The following TTC21A variants were observed in gnomAD, a reference collection of about 807,000 sequenced individuals.
TTC21A encodes the protein tetratricopeptide repeat protein 21A.
In TTC21A, 128 loss-of-function variants were observed where a neutral mutation model predicts 156.4. That is an observed-to-expected ratio of 0.82 (90% CI 0.71 to 0.95). TTC21A has a LOEUF of 0.95. Among genes scored for constraint, TTC21A ranks in the 40% least tolerant of loss-of-function variants. The pLI, the probability that TTC21A is intolerant of heterozygous loss-of-function variation, is 0.00. For synonymous variants in TTC21A, 587 were observed against 617.1 expected (o/e 0.95, Z 0.72); for missense variants, 1,435 against 1,602.3 (o/e 0.90, Z 1.78).
rs773145535 is a variant in TTC21A, at chr3:39,121,190, GTA to G, written c.1093+5_1093+6del. 6 of 1,610,120 alleles carry G rather than the reference GTA, an allele frequency of 3.7e-6. No homozygotes were observed. In the Admixed American group the frequency reaches 1.0e-4, roughly 27 times the overall value. On this transcript the variant is annotated splice_donor_variant and splice_donor_region_variant and intron_variant, in intron 9 of 28. Coordinates refer to ENST00000683103, the MANE Select transcript of TTC21A (RefSeq NM_001366900.1). LOFTEE classifies it high-confidence loss of function. ...AAGGATGGCATGGCTGGTTTGACAG[GTA>G]TATGCAGGTGTGGCAGGGCTCAGGG...
At chr3:39,108,359 C>CA (rs1254228329) in intron 1 of TTC21A, 1 of 160,962 alleles carries the variant, frequency 6.2e-6, no homozygotes, top group African/African-American at 2.4e-5. Flanking sequence ...GCCTCCCTCC[C>CA]ATCTGGTTTC....
rs771006027 is a variant in TTC21A, at chr3:39,120,997, T to A, written c.901T>A (p.Cys301Ser). 2.5e-6 allele frequency: 4 copies of A among 1,601,674 alleles called. No individual in the cohort carries two copies. In the African/African-American group the frequency reaches 4.0e-5, roughly 16 times the overall value. The change falls in exon 9 of 29, where the codon TGT becomes AGT. Residue 301 changes from cysteine (C) to serine (S), a missense_variant and splice_region_variant. Cys to Ser is a moderately radical substitution (Grantham distance 112). Transcript: ENST00000683103. ...ATTCCCACCTTCCTGTTTCTTGCAGTGTGGGAGTCACCAGGTGATTCTAGG... is the reference window on the plus strand; with the variant it reads ...ATTCCCACCTTCCTGTTTCTTGCAGAGTGGGAGTCACCAGGTGATTCTAGG... ...LKKIIVVSRL[C>S]GSHQVILGLV... is the part of the protein sequence containing the mutation.
intron 12 of TTC21A, 91 bp downstream of exon 12, chr3:39,126,481 C>T: frequency 3.8e-6 from 2 of 524,144 alleles, no homozygotes; most frequent in Non-Finnish European, 2.9e-6. Context: ...ATACTACACA[C>T]ACACACACAC....
At chr3:39,111,387 A>G (rs1379904668) in intron 4 of TTC21A, among the ~76,000 whole-genome samples, 1 of 152,040 alleles carries the variant, frequency 6.6e-6, no homozygotes, top group African/African-American at 2.4e-5. Context: ...TAGTTTTTAC[A>G]TTTTTTGTAG....
chr3:39,136,285 A>G, intron 22 of TTC21A, 72 bp from the exon 23 acceptor site: 1 of 1,530,182 alleles, frequency 6.5e-7, no homozygotes. Flanking sequence ...GGCTTCTCCT[A>G]GGGCCCCAGC....
intron 6 of TTC21A, among the ~76,000 whole-genome samples, chr3:39,117,664 G>T (rs2125781409): frequency 6.6e-6 from 1 of 152,326 alleles, no homozygotes; most frequent in Middle Eastern, 3.4e-3. Context: ...GTTGGTGGTG[G>T]CTCAGGGCTG....
rs747775567 is a variant in TTC21A, at chr3:39,130,375, G to A, written c.2319+17G>A. The stretch of plus-strand genomic sequence containing the variant: ...TATACTGAGGTCAGGCTGGGCTAGG[G>A]TGTGAAGGGGCAGGGAGGGCCAGCC... On this transcript the variant is annotated intron_variant, in intron 17 of 28. Coordinates refer to ENST00000683103, the MANE Select transcript of TTC21A (RefSeq NM_001366900.1). This position sits in a 1 kb window ranked among gnomAD's most constrained non-coding sequence, Gnocchi z 4.5. 5.6e-6 allele frequency: 9 copies of A among 1,597,568 alleles called. No homozygotes were observed. Among genetic ancestry groups the A allele is most frequent in the Non-Finnish European group, 7.7e-6 (9 of 1,168,794 alleles).
At chr3:39,125,243 G>A (rs2038125133) in intron 10 of TTC21A, 83 bp downstream of exon 10, 3 of 1,540,114 alleles carry the variant, frequency 1.9e-6, no homozygotes, top group Non-Finnish European at 2.7e-6. Context: ...TAGAAAGCAT[G>A]CAAGGTGGTC....
At position 39,130,330 on chromosome 3, in the gene TTC21A, C is replaced by T; in HGVS notation, c.2291C>T (p.Ala764Val). ...DASLASRIGH[A>V]YVKAHQYTEA... ...TCCCTGGCCAGCAGAATTGGGCACG[C>T]TTATGTGAAGGCCCACCAGTATACT... The change falls in exon 17 of 29, where the codon GCT becomes GTT. Residue 764 changes from alanine to valine, a missense_variant. By Grantham distance (64) the Ala-to-Val change is moderately conservative (BLOSUM62 0). Coordinates refer to ENST00000683103, the MANE Select transcript of TTC21A (RefSeq NM_001366900.1). This position sits in a 1 kb window ranked among gnomAD's most constrained non-coding sequence, Gnocchi z 4.5. 1 of 1,613,558 alleles carries T rather than the reference C, an allele frequency of 6.2e-7. No individual in the cohort carries two copies.
chr3:39,118,395 A>G (rs568876412), intron 7 of TTC21A: 21 of 568,102 alleles, frequency 3.7e-5, no homozygotes, highest in African/African-American at 3.4e-4. Flanking sequence ...GCCATGTGCT[A>G]TCTGTGGAAG....
In TTC21A at chr3:39,132,916, G is replaced by C. The variant is rs1224468338; in HGVS notation, c.2563-136G>C. 4.3e-6 allele frequency: 4 copies of C among 929,432 alleles called. No homozygotes were observed. In the Admixed American group the frequency reaches 1.1e-4, roughly 24 times the overall value. 57.6% of individuals were successfully genotyped at this position (929,432 alleles called of 1,614,324 possible). A position where few individuals can be genotyped will look rare whatever the true frequency, so the allele number is the denominator to read the frequency against. ...CTCAGCCAGTGGCTTTGCCTATTCA[G>C]AGTGACCCAAATTTGCCCAAGGGCA... On this transcript the variant is annotated intron_variant, in intron 19 of 28. Transcript: ENST00000683103.
Position 39,128,721 on chromosome 3 carries a change from G to A in TTC21A, c.1685G>A (p.Arg562Gln), listed in dbSNP as rs780542890. 6.8e-6 allele frequency: 11 copies of A among 1,614,030 alleles called. No individual in the cohort carries two copies. The highest frequency in any genetic ancestry group is 2.2e-5 in the South Asian group (2 of 91,070). ...ACTCTGCTGTGCTCCTCCTAGGTCCGAGATCACCCCCTCTACCACCTCATC... is the reference window on the plus strand; with the variant it reads ...ACTCTGCTGTGCTCCTCCTAGGTCCAAGATCACCCCCTCTACCACCTCATC... ...ELGVSHNFQVRDHPLYHLIKA... is the reference protein window; with the variant it reads ...ELGVSHNFQVQDHPLYHLIKA... Residue 562 changes from arginine (R) to glutamine (Q), a missense_variant, in exon 14 of 29, where the codon CGA becomes CAA. Transcript: ENST00000683103.
In TTC21A at chr3:39,138,115, T is replaced by C. The variant is rs1228659588; in HGVS notation, c.3676-152T>C. On this transcript the variant is annotated intron_variant, in intron 26 of 28. Transcript: ENST00000683103. ...GCACACAGTTGGCTTCTTGCAAAGG[T>C]TGGGGTACCCCTGGGGTCCCTTGGC... The C allele has an allele frequency of 4.7e-5, 53 of 1,135,336 alleles. No homozygotes were observed. The East Asian group carries it at 1.3e-3, about 27-fold the overall frequency. 70.3% of individuals were successfully genotyped at this position (1,135,336 alleles called of 1,614,324 possible).
At position 39,130,286 on chromosome 3, in the gene TTC21A, A is replaced by G. The variant is rs761518478; in HGVS notation, c.2247A>G (p.Arg749=). Residue 749 remains arginine, a synonymous_variant, in exon 17 of 29, where the codon AGA becomes AGG. Transcript: ENST00000683103. The surrounding 1 kb of genome is among the most constrained non-coding windows in gnomAD (Gnocchi z 4.5). ...KALEVYDEAY[R]QNPHDASLAS... ...TGGAGGTCTATGATGAGGCCTATAG[A>G]CAGAACCCACATGACGCCTCCCTGG... is the stretch of plus-strand genomic sequence containing the variant. 2.5e-6 allele frequency: 4 copies of G among 1,613,848 alleles called. No individual in the cohort carries two copies. The South Asian group carries it at 3.3e-5, about 13-fold the overall frequency.
At chr3:39,121,400 G>A (rs2037757321) in intron 9 of TTC21A, among the ~76,000 whole-genome samples, 1 of 152,208 alleles carries the variant, frequency 6.6e-6, no homozygotes, top group South Asian at 2.1e-4. Flanking sequence ...GAGTCACTCT[G>A]ATCTCCACCA....
In TTC21A at chr3:39,126,401, G is replaced by T. The variant is rs1575535093; in HGVS notation, c.1522+11G>T. Reference sequence around the variant, plus strand: ...TCAGGTATTACTCAGGTGAGCGGGGGATCCTGACAGCCGGGTGGGGCCTTG... The same window carrying T: ...TCAGGTATTACTCAGGTGAGCGGGGTATCCTGACAGCCGGGTGGGGCCTTG... On this transcript the variant is annotated intron_variant, in intron 12 of 28. Transcript: ENST00000683103. The T allele has an allele frequency of 6.2e-7, 1 of 1,613,504 alleles. No individual in the cohort carries two copies. Among genetic ancestry groups the T allele is most frequent in the African/African-American group, 1.3e-5 (1 of 74,900 alleles).
At chr3:39,115,180 TG>T (rs1404774090) in intron 6 of TTC21A, among the ~76,000 whole-genome samples, 1 of 152,146 alleles carries the variant, frequency 6.6e-6, no homozygotes, top group Non-Finnish European at 1.5e-5. Context: ...CTGGTGACTT[TG>T]AGAGAAGTGT....
chr3:39,136,635 A>G lies in TTC21A; in HGVS notation c.3095+128A>G, dbSNP rs78999845. On this transcript the variant is annotated intron_variant, in intron 23 of 28. Coordinates refer to ENST00000683103, the MANE Select transcript of TTC21A (RefSeq NM_001366900.1). ...CCAGGACACCCGGACCCAGCAAGTG[A>G]GGGCCCATGGGGGCAGGGGTGGAAC... is the stretch of plus-strand genomic sequence containing the variant. 2,247 of 1,238,562 alleles carry G rather than the reference A, an allele frequency of 1.8e-3. 35 individuals are homozygous for G. In the African/African-American group the frequency reaches 0.03, roughly 17 times the overall value. 76.7% of individuals were successfully genotyped at this position (1,238,562 alleles called of 1,614,324 possible).
At chr3:39,126,420 G>A in intron 12 of TTC21A, 30 bp downstream of exon 12, 1 of 1,611,478 alleles carries the variant, frequency 6.2e-7, no homozygotes, top group Non-Finnish European at 8.5e-7. Flanking sequence ...AGCCGGGTGG[G>A]GCCTTGCAAA....
Sources: allele counts gnomAD v4.1 joint callset (sites outside exome capture counted in the v4.1 genomes callset), GRCh38; gene constraint gnomAD v4.1.1; non-coding constraint Gnocchi (gnomAD v3.1); transcripts MANE v1.5; gene names NCBI Gene and HGNC (gene_info 2026-07-23, HGNC 2026-07-21).